The following SMARCA4 variants were observed in gnomAD, a reference collection of about 807,000 sequenced individuals.
The protein encoded by SMARCA4 is SWI/SNF-related matrix-associated actin-dependent regulator of chromatin subfamily A member 4.
Under a neutral mutation model 193.9 loss-of-function variants are expected in SMARCA4, and 31 were observed. That is an observed-to-expected ratio of 0.16 (90% confidence interval 0.12 to 0.22). The LOEUF (loss-of-function observed/expected upper bound fraction) is 0.22, where lower values mean the gene tolerates loss of function less well. SMARCA4 is among the 10% of genes least tolerant of loss of function. SMARCA4 has a pLI of 1.00. For synonymous variants in SMARCA4, 942 were observed against 933.1 expected (o/e 1.01, Z -0.17); for missense variants, 1,148 against 2,296.0 (o/e 0.50, Z 10.22).
At chr19:11,039,182 C>T (rs1276784960) in intron 29 of SMARCA4, among the ~76,000 whole-genome samples, 2 of 152,158 alleles carry the variant, frequency 1.3e-5, no homozygotes, top group African/African-American at 4.8e-5. Context: ...GGCAAAAACC[C>T]GTTTCTACTA....
rs1328612755 is a variant in SMARCA4 at position 11,003,033 on chromosome 19, T to C, written c.1817T>C (p.Leu606Pro). 6.2e-7 allele frequency: 1 copy of C among 1,614,154 alleles called. No homozygotes were observed. Among genetic ancestry groups the C allele is most frequent in the Non-Finnish European group, 8.5e-7 (1 of 1,180,024 alleles). The change falls in exon 12 of 35, where the codon CTG becomes CCG. Residue 606 changes from leucine to proline, a missense_variant. By Grantham distance (98) the Leu-to-Pro change is moderately conservative (BLOSUM62 -3). Around this residue, in one of 17 missense-constraint regions of SMARCA4, gnomAD observed 115 missense variants for 175.1 expected, o/e 0.66. Transcript: ENST00000344626. ...ACACGAATGACTCTTTTTCAGCCTCTGGACGAGACCAGCCAGATGAGCGAC... is the reference window on the plus strand; with the variant it reads ...ACACGAATGACTCTTTTTCAGCCTCCGGACGAGACCAGCCAGATGAGCGAC... ...TPAIGPDGEP[L>P]DETSQMSDLP...
rs915389673 is a variant in SMARCA4, at chr19:11,031,304, T to C, written c.3546+411T>C. 2 of 281,032 alleles carry C rather than the reference T, an allele frequency of 7.1e-6. No individual in the cohort carries two copies. The highest frequency in any genetic ancestry group is 4.3e-5 in the African/African-American group (2 of 46,184). 17.4% of individuals were successfully genotyped at this position (281,032 alleles called of 1,614,324 possible). On this transcript the variant is annotated intron_variant, in intron 25 of 34. Coordinates refer to ENST00000344626, the MANE Select transcript of SMARCA4 (RefSeq NM_003072.5). This position sits in a 1 kb window ranked among gnomAD's most constrained non-coding sequence, Gnocchi z 4.3. ...GTAAACTCCATGCCACTTCGTTTAC[T>C]TCCTCCTCTTGTTCCATAACCATGT...
At chr19:11,011,238 T>C (rs1403630230) in intron 15 of SMARCA4, 2 of 153,890 alleles carry the variant, frequency 1.3e-5, no homozygotes, top group African/African-American at 2.4e-5. Flanking sequence ...TTTTCTTTTT[T>C]TTTTTTGAAA....
rs1298157926 is a variant in SMARCA4 at position 11,058,370 on chromosome 19, C to G, written c.4533+7C>G. 3 of 1,587,466 alleles carry G rather than the reference C, an allele frequency of 1.9e-6. No homozygotes were observed. Among genetic ancestry groups the G allele is most frequent in the Non-Finnish European group, 2.6e-6 (3 of 1,156,246 alleles). ...GGACTTCAAGAAGATAAAGGTAACCCTGACGTTGTACCTGCGCCCCGCATG... is the reference window on the plus strand; with the variant it reads ...GGACTTCAAGAAGATAAAGGTAACCGTGACGTTGTACCTGCGCCCCGCATG... On this transcript the variant is annotated splice_region_variant and intron_variant, in intron 31 of 34. Transcript: ENST00000344626. The surrounding 1 kb of genome is among the most constrained non-coding windows in gnomAD (Gnocchi z 5.8).
rs1352974812 is a variant in SMARCA4 at position 10,996,092 on chromosome 19, G to T, written c.1594-121G>T. The T allele has an allele frequency of 7.2e-5, 68 of 947,744 alleles. No homozygotes were observed. In the South Asian group the frequency reaches 8.3e-4, roughly 12 times the overall value. 58.7% of individuals were successfully genotyped at this position (947,744 alleles called of 1,614,324 possible). ...GAGTCGATTGCCGTGTGAAGGGCTG[G>T]TGGCACGGCACCCGCGTGAGCTACG... On this transcript the variant is annotated intron_variant, in intron 9 of 34. Coordinates refer to ENST00000344626, the MANE Select transcript of SMARCA4 (RefSeq NM_003072.5).
chr19:10,970,477 T>C (rs1251513222), intron 1 of SMARCA4, among the ~76,000 whole-genome samples: 1 of 152,192 alleles, frequency 6.6e-6, no homozygotes, highest in Non-Finnish European at 1.5e-5. Context: ...TGGAGTGCAG[T>C]GATACAGTCA....
At chr19:10,970,764 G>A (rs1267012372) in intron 1 of SMARCA4, among the ~76,000 whole-genome samples, 1 of 152,192 alleles carries the variant, frequency 6.6e-6, no homozygotes, top group East Asian at 1.9e-4. Flanking sequence ...AGGACACCCA[G>A]CTGGTGTTTG....
chr19:11,025,558 C>T (rs779339739), intron 22 of SMARCA4, 50 bp downstream of exon 22: 2 of 1,352,882 alleles, frequency 1.5e-6, no homozygotes, highest in East Asian at 2.3e-5. Flanking sequence ...CTGCTGAGCT[C>T]CTAGGCAGAG....
chr19:11,006,807 C>T (rs1162996241), intron 13 of SMARCA4, among the ~76,000 whole-genome samples: 1 of 151,876 alleles, frequency 6.6e-6, no homozygotes, highest in Admixed American at 6.6e-5. Flanking sequence ...GCGTCGGGGC[C>T]GGGTGCAGTG....
intron 1 of SMARCA4, among the ~76,000 whole-genome samples, chr19:10,978,124 T>C (rs2085288389): frequency 6.6e-6 from 1 of 152,306 alleles, no homozygotes; most frequent in Middle Eastern, 3.4e-3. Flanking sequence ...TTGCCATTTC[T>C]TTGTGACTGA....
chr19:10,993,601 A>G (rs966139684), intron 8 of SMARCA4, among the ~76,000 whole-genome samples: 7 of 151,242 alleles, frequency 4.6e-5, no homozygotes, highest in Non-Finnish European at 1.5e-5. Context: ...CTGTGTGCCT[A>G]CCTGCTGTGT....
chr19:11,025,873 G>A (rs1455020532), intron 22 of SMARCA4, among the ~76,000 whole-genome samples: 1 of 152,224 alleles, frequency 6.6e-6, no homozygotes, highest in Non-Finnish European at 1.5e-5. Context: ...TGAAGTGTGG[G>A]GGAGTCAGAA....
At chr19:10,963,392 GA>G in intron 1 of SMARCA4, among the ~76,000 whole-genome samples, 1 of 128,256 alleles carries the variant, frequency 7.8e-6, no homozygotes, top group Admixed American at 7.7e-5. Context: ...AAAAAAAAAA[GA>G]AAAAGAAAGC....
rs2147128237 is a variant in SMARCA4 at position 11,060,205 on chromosome 19, A to G, written c.4911+18A>G. On this transcript the variant is annotated intron_variant, in intron 34 of 34. Coordinates refer to ENST00000344626, the MANE Select transcript of SMARCA4 (RefSeq NM_003072.5). ...AAGAGGAGGTGAGGCCGGGCCCCCG[A>G]GCAGGCAGAGCTGGCATGTGGCAGG... The G allele has an allele frequency of 6.4e-7, 1 of 1,550,470 alleles. No homozygotes were observed. Among genetic ancestry groups the G allele is most frequent in the Non-Finnish European group, 8.7e-7 (1 of 1,146,716 alleles).
At chr19:10,980,295 C>G (rs902442096) in intron 1 of SMARCA4, among the ~76,000 whole-genome samples, 2 of 152,154 alleles carry the variant, frequency 1.3e-5, no homozygotes, top group African/African-American at 2.4e-5. Flanking sequence ...CTCTGTGAAA[C>G]CCCGTGCTTC....
chr19:11,054,932 A>G (rs998478868), intron 30 of SMARCA4, among the ~76,000 whole-genome samples: 1 of 152,130 alleles, frequency 6.6e-6, no homozygotes, highest in African/African-American at 2.4e-5. Flanking sequence ...ACTGACATCA[A>G]AGGTGGTGGC....
intron 23 of SMARCA4, among the ~76,000 whole-genome samples, chr19:11,027,340 G>A (rs1447854662): frequency 2.0e-5 from 3 of 152,156 alleles, no homozygotes; most frequent in Non-Finnish European, 2.9e-5. Flanking sequence ...GGGTTTGGCT[G>A]GAGAGAACAT....
chr19:10,971,849 C>G (rs956821532), intron 1 of SMARCA4, among the ~76,000 whole-genome samples: 2 of 148,242 alleles, frequency 1.3e-5, no homozygotes, highest in Non-Finnish European at 1.5e-5. Flanking sequence ...ATGGTGCGAT[C>G]TTGGCTCACT....
chr19:11,007,896 T>C lies in SMARCA4; in HGVS notation c.2002-6T>C. 6.2e-7 allele frequency: 1 copy of C among 1,613,462 alleles called. No homozygotes were observed. The highest frequency in any genetic ancestry group is 8.5e-7 in the Non-Finnish European group (1 of 1,179,738). ...ACTGAGGTGACATGGGCTTGTCTCTTGGTAGGAGGAGGAGGAAGAGCAGCC... is the reference window on the plus strand; with the variant it reads ...ACTGAGGTGACATGGGCTTGTCTCTCGGTAGGAGGAGGAGGAAGAGCAGCC... On this transcript the variant is annotated splice_region_variant and splice_polypyrimidine_tract_variant and intron_variant, in intron 13 of 34. Coordinates refer to ENST00000344626, the MANE Select transcript of SMARCA4 (RefSeq NM_003072.5).
Sources: gnomAD v4.1 joint callset for allele counts (sites outside exome capture counted in the v4.1 genomes callset) on GRCh38, gnomAD v4.1.1 for gene constraint, gnomAD v4.1.1 regional missense constraint, Gnocchi (gnomAD v3.1) non-coding constraint, MANE v1.5 for transcripts, NCBI Gene and HGNC (gene_info 2026-07-23, HGNC 2026-07-21) for gene names.